RAG1: variants seen among roughly 807,000 people sequenced by gnomAD.
RAG1 encodes recombination activating 1.
A neutral mutation model predicts 62.7 loss-of-function variants in RAG1; 35 were observed. That is an observed-to-expected ratio of 0.56 (90% CI 0.43 to 0.74). RAG1 has a LOEUF of 0.74. Among genes scored for constraint, RAG1 ranks in the 30% least tolerant of loss-of-function variants. RAG1 has a pLI of 0.00. For missense variants in RAG1, 1,169 were observed against 1,278.6 expected (o/e 0.91, Z 1.31); for synonymous variants, 461 against 470.3 (o/e 0.98, Z 0.26).
chr11:36,567,854 C>G (rs549709111), upstream of RAG1, among the ~76,000 whole-genome samples: 1 of 152,332 alleles, frequency 6.6e-6, no homozygotes, highest in Non-Finnish European at 1.5e-5. Flanking sequence ...ACTCAGGCCC[C>G]CCTGAGCTAA....
intron 3 of RAG1, among the ~76,000 whole-genome samples, chr11:36,557,726 G>T (rs1312903680): frequency 6.6e-6 from 1 of 152,204 alleles, no homozygotes; most frequent in African/African-American, 2.4e-5. Context: ...ACAGGAAGGG[G>T]ATACAATTCA....
Position 36,559,079 on chromosome 11 carries a change from T to C in RAG1, c.-411-4306T>C, listed in dbSNP as rs916891916. ...GCTTCTCTGGGAAAGACTTTGTTTC[T>C]CCTTCATTTCTGAGGGATAGTTTTG... is the stretch of plus-strand genomic sequence containing the variant. On this transcript the variant is annotated intron_variant and NMD_transcript_variant, in intron 3 of 9. Coordinates refer to the RAG1 transcript ENST00000534663. 7.9e-5 allele frequency among the ~76,000 whole-genome samples: 12 copies of C among 152,344 alleles called. No individual in the cohort carries two copies. The Middle Eastern group carries it at 0.01, about 130-fold the overall frequency.
rs577487912 is a variant in RAG1, at chr11:36,569,111, G to T, written c.-15+989G>T. Among the ~76,000 whole-genome samples the T allele has an allele frequency of 1.2e-4, 19 of 152,188 alleles. No individual in the cohort carries two copies. In the South Asian group the frequency reaches 3.9e-3, roughly 32 times the overall value. On this transcript the variant is annotated intron_variant, in intron 1 of 1. Coordinates refer to ENST00000299440, the MANE Select transcript of RAG1 (RefSeq NM_000448.3). Reference sequence around the variant, plus strand: ...GGTGTATGTGTGTGGGTATAGGGTGGGCAGCTGGGATGGAAATGGGGGGCT... The same window carrying T: ...GGTGTATGTGTGTGGGTATAGGGTGTGCAGCTGGGATGGAAATGGGGGGCT...
intron 1 of RAG1, among the ~76,000 whole-genome samples, chr11:36,513,813 T>C (rs1251200764): frequency 1.3e-5 from 2 of 152,202 alleles, no homozygotes; most frequent in Non-Finnish European, 2.9e-5. Context: ...GTGAGACTTA[T>C]TCACTACTAC....
chr11:36,569,373 T>C (rs1432834439), intron 1 of RAG1, among the ~76,000 whole-genome samples: 2 of 152,252 alleles, frequency 1.3e-5, no homozygotes, highest in Non-Finnish European at 2.9e-5. Flanking sequence ...GCTGGTCTAC[T>C]GCTGAGACCT....
downstream of RAG1, among the ~76,000 whole-genome samples, chr11:36,540,519 C>G (rs1237966500): frequency 6.6e-6 from 1 of 152,178 alleles, no homozygotes; most frequent in Non-Finnish European, 1.5e-5. Context: ...ATTCTCCTGC[C>G]TCAGCCTCCC....
At chr11:36,546,631 G>T (rs997331958) in intron 3 of RAG1, among the ~76,000 whole-genome samples, 4 of 152,108 alleles carry the variant, frequency 2.6e-5, no homozygotes, top group African/African-American at 9.7e-5. Flanking sequence ...GATGCTAGCT[G>T]GTTATTTTGC....
intron 2 of RAG1, among the ~76,000 whole-genome samples, chr11:36,523,309 A>G (rs767435190): frequency 2.3e-4 from 35 of 152,204 alleles, no homozygotes; most frequent in Middle Eastern, 3.2e-3. Context: ...AATAGGTCTC[A>G]TAAGTTCTGA....
chr11:36,514,282 ATGT>A (rs1859965944), intron 1 of RAG1, among the ~76,000 whole-genome samples: 1 of 152,174 alleles, frequency 6.6e-6, no homozygotes, highest in Non-Finnish European at 1.5e-5. Context: ...GATATAATAA[ATGT>A]TGTCTTAAGC....
intron 2 of RAG1, among the ~76,000 whole-genome samples, chr11:36,527,095 C>T (rs1860174652): frequency 6.6e-6 from 1 of 152,042 alleles, no homozygotes; most frequent in Admixed American, 6.5e-5. Flanking sequence ...TAATTAGATC[C>T]CATTTGTTAA....
In RAG1 at chr11:36,575,298, A is replaced by C; in HGVS notation, c.1994A>C (p.Glu665Ala). 1 of 1,614,204 alleles carries C rather than the reference A, an allele frequency of 6.2e-7. No individual in the cohort carries two copies. Among genetic ancestry groups the C allele is most frequent in the Non-Finnish European group, 8.5e-7 (1 of 1,180,044 alleles). The change falls in exon 2 of 2, where the codon GAG (glutamate) becomes GCG (alanine). Residue 665 changes from glutamate to alanine, a missense_variant. Physicochemically the swap from Glu to Ala is moderately radical, Grantham distance 107 (BLOSUM62 -1). This residue lies in a region of RAG1 where 800 missense variants were observed against 943.3 expected (regional missense o/e 0.85). Coordinates refer to ENST00000299440, the MANE Select transcript of RAG1 (RefSeq NM_000448.3). This position sits in a 1 kb window ranked among gnomAD's most constrained non-coding sequence, Gnocchi z 4.1. Reference sequence around the variant, plus strand: ...CCATTGTGCCTTATGCTGGCAGATGAGTCTGACCACGAGACGCTGACTGCC... The same window carrying C: ...CCATTGTGCCTTATGCTGGCAGATGCGTCTGACCACGAGACGCTGACTGCC... ...CKPLCLMLADESDHETLTAIL... is the reference protein window; with the variant it reads ...CKPLCLMLADASDHETLTAIL...
At chr11:36,520,104 A>G (rs1017255964) in intron 1 of RAG1, 21 of 152,168 alleles carry the variant, frequency 1.4e-4, no homozygotes, top group African/African-American at 4.8e-4. Flanking sequence ...TCCTAAATTC[A>G]TCAACATCAC....
intron 1 of RAG1, among the ~76,000 whole-genome samples, chr11:36,511,890 G>A (rs1421741190): frequency 6.6e-6 from 1 of 152,130 alleles, no homozygotes; most frequent in East Asian, 1.9e-4. Context: ...GAACTACAAT[G>A]ACCAAAAACT....
intron 3 of RAG1, among the ~76,000 whole-genome samples, chr11:36,557,591 G>A (rs896357963): frequency 3.3e-5 from 5 of 152,082 alleles, no homozygotes; most frequent in African/African-American, 9.7e-5. Flanking sequence ...CACGCTGGGA[G>A]CTGTAGACCG....
intron 3 of RAG1, among the ~76,000 whole-genome samples, chr11:36,545,866 T>G (rs554773563): frequency 9.2e-5 from 14 of 152,352 alleles, no homozygotes; most frequent in African/African-American, 3.4e-4. Context: ...GTCATTCAGA[T>G]GCAGGTTGTT....
intron 2 of RAG1, among the ~76,000 whole-genome samples, chr11:36,521,934 G>A (rs1346788138): frequency 6.6e-6 from 1 of 152,134 alleles, no homozygotes; most frequent in Non-Finnish European, 1.5e-5. Flanking sequence ...AGATGATTTA[G>A]GGTATCTGGT....
At chr11:36,523,207 C>T (rs1479723129) in intron 2 of RAG1, among the ~76,000 whole-genome samples, 1 of 152,156 alleles carries the variant, frequency 6.6e-6, no homozygotes, top group Non-Finnish European at 1.5e-5. Flanking sequence ...CATCTTGTAT[C>T]TCCCATAATT....
At chr11:36,565,507 G>A (rs1215442791), upstream of RAG1, among the ~76,000 whole-genome samples, 3 of 152,160 alleles carry the variant, frequency 2.0e-5, no homozygotes. Flanking sequence ...GGAGGTCTGC[G>A]CTCAAGGCTG....
intron 3 of RAG1, among the ~76,000 whole-genome samples, chr11:36,544,112 A>C (rs530202314): frequency 6.6e-6 from 1 of 152,302 alleles, no homozygotes; most frequent in African/African-American, 2.4e-5. Flanking sequence ...GGGTAGGTAC[A>C]ATTGGCTGAA....
Sources: gnomAD v4.1 joint callset for allele counts (sites outside exome capture counted in the v4.1 genomes callset) on GRCh38, gnomAD v4.1.1 for gene constraint, gnomAD v4.1.1 regional missense constraint, Gnocchi (gnomAD v3.1) non-coding constraint, MANE v1.5 for transcripts, NCBI Gene and HGNC (gene_info 2026-07-23, HGNC 2026-07-21) for gene names.